The following DIS3L2 variants were observed in gnomAD, a reference collection of about 807,000 sequenced individuals.
DIS3L2 encodes DIS3 like 3'-5' exoribonuclease 2.
Under a neutral mutation model 97.5 loss-of-function variants are expected in DIS3L2, and 34 were observed. That is an observed-to-expected ratio of 0.35 (90% CI 0.27 to 0.46). DIS3L2 has a LOEUF of 0.46. Among genes scored for constraint, DIS3L2 ranks in the 20% least tolerant of loss-of-function variants. DIS3L2 has a pLI of 1.00. For missense variants in DIS3L2, 1,038 were observed against 1,146.0 expected, an observed-to-expected ratio of 0.91 and a Z score of 1.36; for synonymous variants, 435 against 445.2, an observed-to-expected ratio of 0.98 and a Z score of 0.29.
chr2:232,056,923 C>A (rs568777309), intron 5 of DIS3L2, among the ~76,000 whole-genome samples: 14 of 152,112 alleles, frequency 9.2e-5, no homozygotes, highest in Middle Eastern at 3.4e-3. Context: ...AGGTATATGC[C>A]CAACAGTAAT....
intron 5 of DIS3L2, among the ~76,000 whole-genome samples, chr2:232,086,663 G>GTATA (rs1559613663): frequency 6.1e-5 from 2 of 32,696 alleles, no homozygotes; most frequent in Non-Finnish European, 6.8e-5. Flanking sequence ...ATATATATGT[G>GTATA]TGTGTGTGTG....
chr2:232,125,139 C>G (rs1291455180), intron 6 of DIS3L2, among the ~76,000 whole-genome samples: 1 of 152,230 alleles, frequency 6.6e-6, no homozygotes, highest in Non-Finnish European at 1.5e-5. Flanking sequence ...CTATTTCCTA[C>G]TCAGCCTTTC....
At chr2:231,995,881 A>G (rs72985687) in intron 1 of DIS3L2, among the ~76,000 whole-genome samples, 1,716 of 152,354 alleles carry the variant, frequency 0.011, 19 homozygotes, top group Non-Finnish European at 0.016. Context: ...TCAATAAAGT[A>G]TAGATTATTG....
chr2:232,171,784 C>G (rs896822640), intron 9 of DIS3L2, among the ~76,000 whole-genome samples: 1 of 152,170 alleles, frequency 6.6e-6, no homozygotes. Flanking sequence ...AGTAGATACA[C>G]AACTGGACCT....
At chr2:232,277,041 T>C (rs1694160440) in intron 13 of DIS3L2, among the ~76,000 whole-genome samples, 1 of 152,208 alleles carries the variant, frequency 6.6e-6, no homozygotes, top group Non-Finnish European at 1.5e-5. Flanking sequence ...GCCTCCTTTA[T>C]GATACTTCCA....
chr2:232,256,244 C>T (rs1389722202), intron 12 of DIS3L2, among the ~76,000 whole-genome samples: 1 of 152,230 alleles, frequency 6.6e-6, no homozygotes, highest in Non-Finnish European at 1.5e-5. Context: ...ACCAGCATCT[C>T]CTCTCATGTC....
At chr2:232,062,516 C>G (rs1344184743) in intron 5 of DIS3L2, among the ~76,000 whole-genome samples, 1 of 152,166 alleles carries the variant, frequency 6.6e-6, no homozygotes, top group Non-Finnish European at 1.5e-5. Flanking sequence ...TGCCCCTGAT[C>G]TGACCAGTGG....
At chr2:232,337,868 C>T (rs1696016098), downstream of DIS3L2, among the ~76,000 whole-genome samples, 1 of 151,578 alleles carries the variant, frequency 6.6e-6, no homozygotes, top group East Asian at 1.9e-4. Context: ...CTATGGGAGG[C>T]AACCAAAGAC....
At chr2:231,977,403 A>G (rs1693130224) in intron 1 of DIS3L2, among the ~76,000 whole-genome samples, 1 of 152,160 alleles carries the variant, frequency 6.6e-6, no homozygotes, top group South Asian at 2.1e-4. Flanking sequence ...ATTCCTTCCA[A>G]AGAAGTCAGC....
In DIS3L2 at chr2:232,334,430, C is replaced by T. The variant is rs375946584; in HGVS notation, c.2220C>T (p.Asn740=). ...DTLQKQADHC[N]DRRMASKRVQ... ...TGCAGAAACAGGCGGACCACTGTAA[C>T]GACCGCCGCATGGCGTCCAAGCGCG... Residue 740 remains asparagine (N), a synonymous_variant, in exon 18 of 21, where the codon AAC becomes AAT. Coordinates refer to ENST00000325385, the MANE Select transcript of DIS3L2 (RefSeq NM_152383.5). 28 of 1,613,720 alleles carry T rather than the reference C, an allele frequency of 1.7e-5. No individual in the cohort carries two copies. Among genetic ancestry groups the T allele is most frequent in the African/African-American group, 1.6e-4 (12 of 74,944 alleles).
intron 5 of DIS3L2, among the ~76,000 whole-genome samples, chr2:232,035,589 A>G (rs556726736): frequency 4.9e-4 from 74 of 152,294 alleles, no homozygotes; most frequent in African/African-American, 1.5e-3. Context: ...GTTTCTTCAT[A>G]GTGTCAATGA....
intron 14 of DIS3L2, among the ~76,000 whole-genome samples, chr2:232,324,509 C>T (rs569634469): frequency 6.6e-6 from 1 of 152,230 alleles, no homozygotes; most frequent in South Asian, 2.1e-4. Context: ...TGCCCCTCTG[C>T]CCCGGCTCCC....
chr2:232,067,832 A>T (rs186923497), intron 5 of DIS3L2, among the ~76,000 whole-genome samples: 3 of 152,336 alleles, frequency 2.0e-5, no homozygotes, highest in African/African-American at 7.2e-5. Context: ...TTACTAATAC[A>T]GTGCCGCTTA....
intron 9 of DIS3L2, among the ~76,000 whole-genome samples, chr2:232,186,496 A>AT (rs760899335): frequency 1.8e-3 from 275 of 152,304 alleles, no homozygotes; most frequent in Non-Finnish European, 3.4e-3. Flanking sequence ...ATTAACAGCA[A>AT]TTTTTACACA....
intron 10 of DIS3L2, among the ~76,000 whole-genome samples, chr2:232,213,703 T>C (rs1692258340): frequency 6.8e-6 from 1 of 147,626 alleles, no homozygotes; most frequent in Non-Finnish European, 1.5e-5. Flanking sequence ...AAGTTTAACT[T>C]TCCTTTGGTT....
intron 8 of DIS3L2, among the ~76,000 whole-genome samples, chr2:232,162,029 C>T (rs1690667950): frequency 6.6e-6 from 1 of 152,172 alleles, no homozygotes; most frequent in South Asian, 2.1e-4. Context: ...CCTCAGCCTC[C>T]CAAAGTGCTA....
chr2:232,200,964 G>A (rs981932863), intron 9 of DIS3L2, among the ~76,000 whole-genome samples: 1 of 151,960 alleles, frequency 6.6e-6, no homozygotes, highest in East Asian at 1.9e-4. Context: ...TAGAAGAGAC[G>A]GAGTTTCACC....
intron 8 of DIS3L2, among the ~76,000 whole-genome samples, chr2:232,140,029 C>G (rs1392113939): frequency 1.3e-5 from 2 of 152,172 alleles, no homozygotes; most frequent in East Asian, 1.9e-4. Flanking sequence ...CCACAATTTA[C>G]TGGGAGCCAT....
intron 8 of DIS3L2, among the ~76,000 whole-genome samples, chr2:232,156,950 T>C (rs1335867861): frequency 1.3e-5 from 2 of 152,320 alleles, no homozygotes; most frequent in East Asian, 3.9e-4. Context: ...CAGAAGAAAC[T>C]GTGTTTTATA....
Sources: gnomAD v4.1 joint callset for allele counts (sites outside exome capture counted in the v4.1 genomes callset) on GRCh38, gnomAD v4.1.1 for gene constraint, MANE v1.5 for transcripts, NCBI Gene and HGNC (gene_info 2026-07-23, HGNC 2026-07-21) for gene names.